Variants in DGKI observed in about 807,000 individuals in gnomAD.
DGKI encodes DAG kinase iota.
DGKI carries 55 observed loss-of-function variants against 147.5 expected under a neutral mutation model. The ratio of observed to expected loss-of-function variants is 0.37; its 90% CI spans 0.30 to 0.47. The LOEUF (loss-of-function observed/expected upper bound fraction) is 0.47, where lower values mean the gene tolerates loss of function less well. DGKI is among the 20% of genes least tolerant of loss of function. The pLI is 1.00. For synonymous variants in DGKI, 469 were observed against 477.1 expected (o/e 0.98, Z 0.22); for missense variants, 1,007 against 1,323.8 (o/e 0.76, Z 3.71).
At chr7:137,545,319 GA>G (rs1272372780) in intron 20 of DGKI, among the ~76,000 whole-genome samples, 4 of 152,130 alleles carry the variant, frequency 2.6e-5, no homozygotes, top group African/African-American at 9.7e-5. Context: ...ATTCTGAGCT[GA>G]AATGCTAAAA....
chr7:137,621,063 C>T (rs999863534), intron 7 of DGKI, among the ~76,000 whole-genome samples: 3 of 152,162 alleles, frequency 2.0e-5, no homozygotes, highest in Non-Finnish European at 2.9e-5. Context: ...AATTACATTA[C>T]ATAACATTAG....
chr7:137,421,025 AAAG>A (rs1490197584), intron 28 of DGKI, among the ~76,000 whole-genome samples: 1 of 152,172 alleles, frequency 6.6e-6, no homozygotes, highest in Non-Finnish European at 1.5e-5. Flanking sequence ...TCTCAATAAA[AAAG>A]AAAAAGAAAA....
In DGKI at chr7:137,572,864, G is replaced by T. The variant is rs747608349; in HGVS notation, c.1762-26C>A. On this transcript the variant is annotated intron_variant, in intron 17 of 32. Coordinates refer to ENST00000614521, the MANE Select transcript of DGKI (RefSeq NM_001321708.2). The stretch of plus-strand genomic sequence containing the variant: ...CTGAAACAATGAAAACAGAAAAGGG[G>T]TTTTGAAGTAGTCACAAGTCTAAAA... 10 of 1,558,678 alleles carry T rather than the reference G, an allele frequency of 6.4e-6. 1 individual carries two copies. The South Asian group carries it at 1.0e-4, about 16-fold the overall frequency.
chr7:137,537,098 G>A (rs1817545429), intron 20 of DGKI, among the ~76,000 whole-genome samples: 1 of 152,156 alleles, frequency 6.6e-6, no homozygotes, highest in South Asian at 2.1e-4. Flanking sequence ...GGAAAGAAGG[G>A]ATGACATGAT....
At chr7:137,442,026 T>A (rs541062895) in intron 28 of DGKI, among the ~76,000 whole-genome samples, 2 of 152,298 alleles carry the variant, frequency 1.3e-5, no homozygotes, top group East Asian at 3.9e-4. Flanking sequence ...AAAAGCTTTT[T>A]TTCAAGAATA....
intron 30 of DGKI, among the ~76,000 whole-genome samples, chr7:137,405,010 CT>C (rs1397443465): frequency 6.6e-6 from 1 of 152,010 alleles, no homozygotes; most frequent in African/African-American, 2.4e-5. Flanking sequence ...ATGAACGGTG[CT>C]TTTAAAGGCC....
Position 137,388,185 on chromosome 7 carries a change from A to C in DGKI, c.*3035T>G, listed in dbSNP as rs2278829. On this transcript the variant is annotated 3_prime_UTR_variant, in exon 33 of 33. Transcript: ENST00000614521. ...GTATTTATTCCATTCTTGGCTTACT[A>C]ATCTTCTCTCTTATTCTTTATGAAG... The C allele has an allele frequency of 0.28, 42,882 of 152,096 alleles. 7,032 individuals are homozygous for C. The highest frequency in any genetic ancestry group is 0.36 in the Admixed American group (5,434 of 15,268). 9.4% of individuals were successfully genotyped at this position (152,096 alleles called of 1,614,324 possible). A position where few individuals can be genotyped will look rare whatever the true frequency, so the allele number is the denominator to read the frequency against.
At chr7:137,409,880 CTCTT>C (rs1408444178) in intron 29 of DGKI, among the ~76,000 whole-genome samples, 1 of 151,648 alleles carries the variant, frequency 6.6e-6, no homozygotes, top group Non-Finnish European at 1.5e-5. Flanking sequence ...ATCTCTCGCT[CTCTT>C]TGTCTCTCTC....
chr7:137,780,961 G>A (rs1796500237), intron 1 of DGKI, among the ~76,000 whole-genome samples: 1 of 152,198 alleles, frequency 6.6e-6, no homozygotes, highest in South Asian at 2.1e-4. Flanking sequence ...AAGGCAGACA[G>A]AGGGCTTCAC....
intron 21 of DGKI, among the ~76,000 whole-genome samples, chr7:137,492,806 T>C (rs546059009): frequency 3.9e-5 from 6 of 152,182 alleles, no homozygotes; most frequent in Non-Finnish European, 8.8e-5. Context: ...GACCCCTGTA[T>C]GCTGGCATCT....
intron 21 of DGKI, among the ~76,000 whole-genome samples, chr7:137,495,679 A>T (rs1319054477): frequency 6.6e-6 from 1 of 152,154 alleles, no homozygotes; most frequent in Non-Finnish European, 1.5e-5. Context: ...AATGTGATAC[A>T]TCATATAAAT....
At chr7:137,787,120 T>C (rs1342630558) in intron 1 of DGKI, among the ~76,000 whole-genome samples, 2 of 151,924 alleles carry the variant, frequency 1.3e-5, no homozygotes, top group African/African-American at 2.4e-5. Flanking sequence ...CAAAGATAAA[T>C]AGATAGCACT....
chr7:137,407,902 C>G lies in DGKI; in HGVS notation c.2893G>C (p.Glu965Gln). Residue 965 changes from glutamate (E) to glutamine (Q), a missense_variant, in exon 30 of 33, where the codon GAG (glutamate) becomes CAG (glutamine). Physicochemically the swap from Glu to Gln is conservative, Grantham distance 29. Transcript: ENST00000614521. ...TGGTCAAGGATATATTTCACAATCT[C>G]CCCGTTGCCGGTTTTAGCTGCGTAG... ...LHYAAKTGNGEIVKYILDHGP... is the reference protein window; with the variant it reads ...LHYAAKTGNGQIVKYILDHGP... 1 of 1,614,140 alleles carries G rather than the reference C, an allele frequency of 6.2e-7. No homozygotes were observed. The highest frequency in any genetic ancestry group is 8.5e-7 in the Non-Finnish European group (1 of 1,179,966).
intron 21 of DGKI, among the ~76,000 whole-genome samples, chr7:137,507,397 T>C (rs1029200828): frequency 6.6e-6 from 1 of 152,190 alleles, no homozygotes; most frequent in African/African-American, 2.4e-5. Flanking sequence ...ACAGGTTCTC[T>C]AGAAATTTGG....
rs775814446 is a variant in DGKI, at chr7:137,846,134, T to TTCTCTCTCTCTCTCTCTCTCTC, written c.401+306_401+327dup. Among the ~76,000 whole-genome samples the TTCTCTCTCTCTCTCTCTCTCTC allele has an allele frequency of 1.6e-4, 14 of 85,354 alleles. No homozygotes were observed. The highest frequency in any genetic ancestry group is 3.5e-4 in the African/African-American group (7 of 19,792). 56.0% of individuals were successfully genotyped at this position (85,354 alleles called of 152,430 possible). ...TCTGCAACCCTTTCTCTCTCTCTCT[T>TTCTCTCTCTCTCTCTCTCTCTC]TCTCTCTCTCTCTCTCTCTCTCTCT... is the stretch of plus-strand genomic sequence containing the variant. On this transcript the variant is annotated intron_variant, in intron 1 of 32. Transcript: ENST00000614521. This position sits in a 1 kb window ranked among gnomAD's most constrained non-coding sequence, Gnocchi z 4.0.
chr7:137,570,589 T>A (rs1338514845), intron 19 of DGKI, among the ~76,000 whole-genome samples: 1 of 146,786 alleles, frequency 6.8e-6, no homozygotes, highest in African/African-American at 2.7e-5. Flanking sequence ...GTTTCTATAG[T>A]GTAATTTTTT....
intron 1 of DGKI, among the ~76,000 whole-genome samples, chr7:137,705,192 C>T (rs1293440325): frequency 6.6e-6 from 1 of 152,010 alleles, no homozygotes; most frequent in African/African-American, 2.4e-5. Context: ...AACTATTAGA[C>T]AGTTTTTAAT....
chr7:137,636,448 T>A (rs1821315673), intron 6 of DGKI, among the ~76,000 whole-genome samples: 1 of 152,092 alleles, frequency 6.6e-6, no homozygotes, highest in South Asian at 2.1e-4. Context: ...AAATGTACGA[T>A]ACAAAACAAG....
chr7:137,652,167 T>C (rs1308880725), intron 5 of DGKI, among the ~76,000 whole-genome samples: 5 of 152,118 alleles, frequency 3.3e-5, no homozygotes, highest in Non-Finnish European at 7.3e-5. Flanking sequence ...TTTATGCTGA[T>C]AGAAATTATC....
Sources: allele counts gnomAD v4.1 joint callset (sites outside exome capture counted in the v4.1 genomes callset), GRCh38; gene constraint gnomAD v4.1.1; non-coding constraint Gnocchi (gnomAD v3.1); transcripts MANE v1.5; gene names NCBI Gene and HGNC (gene_info 2026-07-23, HGNC 2026-07-21).